TMEM51: variants seen among roughly 807,000 people sequenced by gnomAD.
The protein encoded by TMEM51 is chromosome 1 open reading frame 72.
TMEM51 carries 8 observed loss-of-function variants against 13.6 expected under a neutral mutation model. That is an observed-to-expected ratio of 0.59 (90% CI 0.35 to 1.07). The LOEUF is 1.07. Among genes scored for constraint, TMEM51 ranks in the 50% least tolerant of loss-of-function variants. TMEM51 has a pLI of 0.02. For synonymous variants in TMEM51, 147 were observed against 144.4 expected, an observed-to-expected ratio of 1.02 and a Z score of -0.13; for missense variants, 279 against 330.7, an observed-to-expected ratio of 0.84 and a Z score of 1.21.
At chr1:15,156,368 TAAACC>T (rs1642593269) in intron 1 of TMEM51, among the ~76,000 whole-genome samples, 1 of 152,216 alleles carries the variant, frequency 6.6e-6, no homozygotes, top group Non-Finnish European at 1.5e-5. Context: ...GGCCTGGCTG[TAAACC>T]CCTCAGGCTT....
chr1:15,203,464 T>C (rs1187601667), intron 1 of TMEM51, among the ~76,000 whole-genome samples: 1 of 151,814 alleles, frequency 6.6e-6, no homozygotes, highest in East Asian at 1.9e-4. Context: ...AGTTTCACCA[T>C]GTTGGTCAGG....
At chr1:15,195,909 T>C (rs1200766255) in intron 1 of TMEM51, among the ~76,000 whole-genome samples, 3 of 152,132 alleles carry the variant, frequency 2.0e-5, no homozygotes, top group African/African-American at 7.2e-5. Context: ...AACTTCTTTT[T>C]CTGAGATGTG....
Position 15,215,287 on chromosome 1 carries a change from A to G in TMEM51, c.200A>G (p.Tyr67Cys), listed in dbSNP as rs771348763. ...ILKSKTFSVA[Y>C]VLVGAGVMLL... ...AAGAGCAAGACCTTCTCTGTGGCCT[A>G]CGTGCTGGTCGGGGCCGGGGTGATG... The change falls in exon 3 of 4, where the codon TAC becomes TGC. Residue 67 changes from tyrosine to cysteine, a missense_variant. Tyr to Cys is a radical substitution (Grantham distance 194). Coordinates refer to ENST00000376008, the MANE Select transcript of TMEM51 (RefSeq NM_001136218.2). The G allele has an allele frequency of 1.2e-6, 2 of 1,614,098 alleles. No homozygotes were observed. The highest frequency in any genetic ancestry group is 2.2e-5 in the East Asian group (1 of 44,892).
rs1573395258 is a variant in TMEM51, at chr1:15,175,182, C to T, written c.-267+21228C>T. On this transcript the variant is annotated intron_variant, in intron 1 of 3. Coordinates refer to ENST00000376008, the MANE Select transcript of TMEM51 (RefSeq NM_001136218.2). ...TGGGAGGCCGAGGTGGGTGGATTATCTGAGGTCAGGAGTTCAAGACCAGCC... is the reference window on the plus strand; with the variant it reads ...TGGGAGGCCGAGGTGGGTGGATTATTTGAGGTCAGGAGTTCAAGACCAGCC... 2.0e-5 allele frequency among the ~76,000 whole-genome samples: 3 copies of T among 152,132 alleles called. No homozygotes were observed. In the South Asian group the frequency reaches 6.2e-4, roughly 32 times the overall value.
intron 1 of TMEM51, among the ~76,000 whole-genome samples, chr1:15,189,071 C>G (rs926341794): frequency 1.3e-5 from 2 of 152,090 alleles, no homozygotes; most frequent in East Asian, 1.9e-4. Flanking sequence ...GACAGAATCT[C>G]GCTGTGTTGC....
At chr1:15,170,358 C>T (rs200916981) in intron 1 of TMEM51, among the ~76,000 whole-genome samples, 1 of 145,176 alleles carries the variant, frequency 6.9e-6, no homozygotes. Flanking sequence ...TTTTTTTTAT[C>T]TTTTTTTTTT....
At position 15,161,693 on chromosome 1, in the gene TMEM51, CT is replaced by C. The variant is rs759764473; in HGVS notation, c.-267+7742del. 2.0e-5 allele frequency among the ~76,000 whole-genome samples: 3 copies of C among 151,958 alleles called. No individual in the cohort carries two copies. The highest frequency in any genetic ancestry group is 4.4e-5 in the Non-Finnish European group (3 of 68,040). ...GTGGCTCACGCCGGTAATCCCAGCA[CT>C]TTGGGAAACCGAGGCAGGCAGATCA... On this transcript the variant is annotated intron_variant, in intron 1 of 3. Coordinates refer to ENST00000376008, the MANE Select transcript of TMEM51 (RefSeq NM_001136218.2). This position sits in a 1 kb window ranked among gnomAD's most constrained non-coding sequence, Gnocchi z 4.0.
intron 1 of TMEM51, among the ~76,000 whole-genome samples, chr1:15,203,754 A>T (rs976959416): frequency 3.3e-5 from 5 of 150,662 alleles, no homozygotes; most frequent in African/African-American, 1.2e-4. Context: ...TAGGTAAATG[A>T]ATAAACACCT....
At chr1:15,198,704 C>A (rs1436703023) in intron 1 of TMEM51, among the ~76,000 whole-genome samples, 1 of 152,250 alleles carries the variant, frequency 6.6e-6, no homozygotes, top group East Asian at 1.9e-4. Flanking sequence ...AGGCGTGAGC[C>A]ACCCCACCTG....
At chr1:15,200,675 T>G (rs1291322436) in intron 1 of TMEM51, among the ~76,000 whole-genome samples, 3 of 152,094 alleles carry the variant, frequency 2.0e-5, no homozygotes, top group Admixed American at 2.0e-4. Context: ...GCTCTTAATC[T>G]CTCTTCCCCT....
At chr1:15,186,067 G>C (rs2312329) in intron 1 of TMEM51, among the ~76,000 whole-genome samples, 81,584 of 152,032 alleles carry the variant, frequency 0.54, 22,382 homozygotes, top group East Asian at 0.64. Context: ...CCCAAGGGAG[G>C]GACCCTGCCC....
In TMEM51 at chr1:15,220,032, C is replaced by T. The variant is rs143535195; in HGVS notation, c.*289C>T. On this transcript the variant is annotated 3_prime_UTR_variant, in exon 4 of 4. Transcript: ENST00000376008. Reference sequence around the variant, plus strand: ...TCTTCCCATCCTTTTCACTCCGAATCGCTGGCGACACATTCTCCTTTCCAG... The same window carrying T: ...TCTTCCCATCCTTTTCACTCCGAATTGCTGGCGACACATTCTCCTTTCCAG... The T allele has an allele frequency of 8.1e-4, 322 of 396,990 alleles. No individual in the cohort carries two copies. The highest frequency in any genetic ancestry group is 5.4e-3 in the African/African-American group (271 of 50,326). The allele number at this position is 396,990 out of a possible 1,614,324, so 24.6% of individuals were successfully genotyped here.
chr1:15,208,347 C>G (rs1004052525), intron 1 of TMEM51, among the ~76,000 whole-genome samples: 11 of 152,230 alleles, frequency 7.2e-5, no homozygotes, highest in Non-Finnish European at 1.6e-4. Context: ...GATAGCCAGG[C>G]ATGGTGGCTC....
chr1:15,169,149 A>T (rs894473927), intron 1 of TMEM51, among the ~76,000 whole-genome samples: 2 of 152,206 alleles, frequency 1.3e-5, no homozygotes, highest in African/African-American at 2.4e-5. Flanking sequence ...GTGAGCTAAT[A>T]ACAGGGCCCA....
At chr1:15,182,416 G>A (rs1010802353) in intron 1 of TMEM51, among the ~76,000 whole-genome samples, 5 of 152,264 alleles carry the variant, frequency 3.3e-5, no homozygotes, top group Middle Eastern at 3.4e-3. Flanking sequence ...TTGGCACAGC[G>A]TCAGCAAGCC....
intron 1 of TMEM51, among the ~76,000 whole-genome samples, chr1:15,177,651 A>G (rs1643491926): frequency 6.6e-6 from 1 of 152,018 alleles, no homozygotes; most frequent in Non-Finnish European, 1.5e-5. Flanking sequence ...TGCTTCTCTT[A>G]AGCATTTGAT....
intron 1 of TMEM51, among the ~76,000 whole-genome samples, chr1:15,182,212 A>G (rs1643642964): frequency 6.9e-6 from 1 of 145,360 alleles, no homozygotes; most frequent in Non-Finnish European, 1.5e-5. Context: ...AAATAACTGC[A>G]CTAGGCTGAA....
At chr1:15,201,532 T>G (rs1020467208) in intron 1 of TMEM51, among the ~76,000 whole-genome samples, 51 of 152,138 alleles carry the variant, frequency 3.4e-4, no homozygotes, top group African/African-American at 1.2e-3. Context: ...TCACTGTAGT[T>G]GCCACAATTC....
At chr1:15,206,228 CAAAAA>C (rs71000380) in intron 1 of TMEM51, among the ~76,000 whole-genome samples, 12 of 94,224 alleles carry the variant, frequency 1.3e-4, no homozygotes, top group East Asian at 3.1e-4. Flanking sequence ...GAGACCCTGT[CAAAAA>C]AAAAAAAAAA....
Sources: gnomAD v4.1 joint callset for allele counts (sites outside exome capture counted in the v4.1 genomes callset) on GRCh38, gnomAD v4.1.1 for gene constraint, Gnocchi (gnomAD v3.1) non-coding constraint, MANE v1.5 for transcripts, NCBI Gene and HGNC (gene_info 2026-07-23, HGNC 2026-07-21) for gene names.